The following RELN variants were observed in gnomAD, a reference collection of about 807,000 sequenced individuals.
The protein encoded by RELN is reelin.
Under a neutral mutation model 427.6 loss-of-function variants are expected in RELN, and 108 were observed. That is an observed-to-expected ratio of 0.25 (90% CI 0.22 to 0.30). The LOEUF (loss-of-function observed/expected upper bound fraction) is 0.30, where lower values mean the gene tolerates loss of function less well. RELN is among the 10% of genes least tolerant of loss of function. The pLI, the probability that RELN is intolerant of heterozygous loss-of-function variation, is 1.00. For missense variants in RELN, 3,715 were observed against 4,302.8 expected (o/e 0.86, Z 3.82); for synonymous variants, 1,524 against 1,513.4 (o/e 1.01, Z -0.16).
rs752682018 is a variant in RELN at position 103,522,215 on chromosome 7, G to A, written c.7491-16C>T. 1.2e-6 allele frequency: 2 copies of A among 1,613,368 alleles called. No individual in the cohort carries two copies. The highest frequency in any genetic ancestry group is 2.2e-5 in the South Asian group (2 of 90,992). On this transcript the variant is annotated splice_polypyrimidine_tract_variant and intron_variant, in intron 47 of 64. Coordinates refer to ENST00000428762, the MANE Select transcript of RELN (RefSeq NM_005045.4). ...TTCATCACAGCTGGGTGCAGAGCAA[G>A]AGAGAGGAAAAGTCAACATCAGACA...
At chr7:103,866,626 C>A (rs1794203834) in intron 2 of RELN, among the ~76,000 whole-genome samples, 1 of 151,720 alleles carries the variant, frequency 6.6e-6, no homozygotes, top group Non-Finnish European at 1.5e-5. Context: ...ATTAGAACAC[C>A]TATATTTCTG....
chr7:103,690,008 A>G (rs905205237), intron 10 of RELN, among the ~76,000 whole-genome samples: 3 of 152,132 alleles, frequency 2.0e-5, no homozygotes, highest in Non-Finnish European at 4.4e-5. Flanking sequence ...GTTTTTACAG[A>G]CACAAAATGT....
At chr7:103,601,519 C>G (rs527718048) in intron 24 of RELN, among the ~76,000 whole-genome samples, 1 of 149,114 alleles carries the variant, frequency 6.7e-6, no homozygotes, top group South Asian at 2.1e-4. Context: ...GCATATCACT[C>G]ACACCTGTCT....
intron 2 of RELN, among the ~76,000 whole-genome samples, chr7:103,890,618 T>G (rs1794826262): frequency 6.6e-6 from 1 of 151,974 alleles, no homozygotes. Flanking sequence ...TAATCCCTAG[T>G]GCCAAAAAGG....
chr7:103,783,256 A>G (rs1273747632), intron 3 of RELN, among the ~76,000 whole-genome samples: 1 of 151,028 alleles, frequency 6.6e-6, no homozygotes, highest in African/African-American at 2.4e-5. Context: ...TGCCCTCTCA[A>G]AGTGCTGGGA....
chr7:103,912,385 T>C (rs922157851), intron 2 of RELN, among the ~76,000 whole-genome samples: 1 of 151,952 alleles, frequency 6.6e-6, no homozygotes, highest in African/African-American at 2.4e-5. Flanking sequence ...GGGGTTTGAC[T>C]ATGTTGGCCA....
intron 4 of RELN, among the ~76,000 whole-genome samples, chr7:103,760,300 C>A (rs1012327492): frequency 6.6e-6 from 1 of 151,904 alleles, no homozygotes; most frequent in African/African-American, 2.4e-5. Flanking sequence ...TGCATATGCT[C>A]TTTCAAAAGT....
rs558444592 is a variant in RELN at position 103,549,842 on chromosome 7, C to T, written c.6302+1225G>A. 2.6e-4 allele frequency among the ~76,000 whole-genome samples: 39 copies of T among 152,226 alleles called. 1 individual carries two copies. Among genetic ancestry groups the T allele is most frequent in the South Asian group, 1.2e-3 (6 of 4,824 alleles). On this transcript the variant is annotated intron_variant, in intron 41 of 64. Transcript: ENST00000428762. ...ATGATCTTAAATAATACAACCATTT[C>T]GAATAAAAACTTTTTCCTGGATTAT...
At chr7:103,795,381 T>G (rs1792275805) in intron 3 of RELN, among the ~76,000 whole-genome samples, 1 of 152,214 alleles carries the variant, frequency 6.6e-6, no homozygotes, top group Non-Finnish European at 1.5e-5. Flanking sequence ...TTAAAAGGTC[T>G]TTCCTGGAAG....
rs201088878 is a variant in RELN at position 103,823,629 on chromosome 7, TTA to T, written c.473+9906_473+9907del. Among the ~76,000 whole-genome samples the T allele has an allele frequency of 4.5e-4, 68 of 152,202 alleles. 1 individual carries two copies. The East Asian group carries it at 0.012, about 28-fold the overall frequency. ...ACTAATGTTGCTTCATGTATTTTAGTTATATGTTGCCTTTAAATTCTATCCTA... is the reference window on the plus strand; with the variant it reads ...ACTAATGTTGCTTCATGTATTTTAGTTATGTTGCCTTTAAATTCTATCCTA... On this transcript the variant is annotated intron_variant, in intron 3 of 64. Transcript: ENST00000428762.
At position 103,540,470 on chromosome 7, in the gene RELN, C is replaced by T. The variant is rs73418565; in HGVS notation, c.6672-15G>A. The T allele has an allele frequency of 4.1e-3, 6,676 of 1,612,778 alleles. 236 individuals carry two copies. In the African/African-American group the frequency reaches 0.076, roughly 18 times the overall value. ...ACTGCACAAATCTGACATTTGTAAA[C>T]GTTACTGAAGACTTTCACTTCCAAA... On this transcript the variant is annotated splice_polypyrimidine_tract_variant and intron_variant, in intron 43 of 64. Coordinates refer to ENST00000428762, the MANE Select transcript of RELN (RefSeq NM_005045.4).
intron 1 of RELN, among the ~76,000 whole-genome samples, chr7:103,962,501 G>A (rs981759860): frequency 6.6e-6 from 1 of 152,032 alleles, no homozygotes; most frequent in South Asian, 2.1e-4. Flanking sequence ...CACACAGGTG[G>A]TCTGCCAGGA....
At chr7:103,892,791 T>C (rs1794878337) in intron 2 of RELN, among the ~76,000 whole-genome samples, 1 of 152,194 alleles carries the variant, frequency 6.6e-6, no homozygotes, top group Admixed American at 6.5e-5. Flanking sequence ...TAGAGACTCA[T>C]ACTATCACTC....
chr7:103,608,858 G>A (rs979307099), intron 22 of RELN, among the ~76,000 whole-genome samples: 3 of 152,128 alleles, frequency 2.0e-5, no homozygotes, highest in Non-Finnish European at 2.9e-5. Flanking sequence ...AACACTTTCT[G>A]AATTTGCCTA....
At chr7:103,780,553 C>A (rs1791863201) in intron 3 of RELN, among the ~76,000 whole-genome samples, 1 of 152,156 alleles carries the variant, frequency 6.6e-6, no homozygotes, top group South Asian at 2.1e-4. Flanking sequence ...CCTACTCCCA[C>A]CCTCCACCCT....
intron 17 of RELN, among the ~76,000 whole-genome samples, chr7:103,638,769 A>T (rs1251667411): frequency 6.6e-6 from 1 of 152,224 alleles, no homozygotes; most frequent in East Asian, 1.9e-4. Context: ...GGAATAATGG[A>T]TGGTGTCAAA....
intron 4 of RELN, among the ~76,000 whole-genome samples, chr7:103,761,528 C>T (rs1451131299): frequency 2.0e-5 from 3 of 152,122 alleles, no homozygotes; most frequent in Non-Finnish European, 4.4e-5. Context: ...TCTTGGCTCA[C>T]TGCAATCTCA....
At chr7:103,796,807 GC>G (rs1792308949) in intron 3 of RELN, among the ~76,000 whole-genome samples, 1 of 140,790 alleles carries the variant, frequency 7.1e-6, no homozygotes, top group Non-Finnish European at 1.5e-5. Context: ...GTTGCAGTGA[GC>G]CAAGATTGCC....
intron 11 of RELN, among the ~76,000 whole-genome samples, chr7:103,661,798 C>A (rs1003811488): frequency 4.6e-5 from 7 of 152,130 alleles, no homozygotes; most frequent in Non-Finnish European, 1.5e-5. Context: ...TACTTGTGAT[C>A]AGAGCCATGC....
Sources: allele counts gnomAD v4.1 joint callset (sites outside exome capture counted in the v4.1 genomes callset), GRCh38; gene constraint gnomAD v4.1.1; transcripts MANE v1.5; gene names NCBI Gene and HGNC (gene_info 2026-07-23, HGNC 2026-07-21).